The following LYRM4 variants were observed in gnomAD, a reference collection of about 807,000 sequenced individuals.
The protein encoded by LYRM4 is LYR motif containing 4.
LYRM4 carries 9 observed loss-of-function variants against 11.7 expected under a neutral mutation model. The ratio of observed to expected loss-of-function variants is 0.77; its 90% CI spans 0.46 to 1.34. The LOEUF (loss-of-function observed/expected upper bound fraction) is 1.34. LYRM4 is among the 40% of genes most tolerant of loss of function. LYRM4 has a pLI of 0.00. For missense variants in LYRM4, 133 were observed against 112.5 expected, an observed-to-expected ratio of 1.18 and a Z score of -0.82; for synonymous variants, 42 against 40.4, an observed-to-expected ratio of 1.04 and a Z score of -0.15.
chr6:5,243,695 G>C (rs558303575), intron 1 of LYRM4, among the ~76,000 whole-genome samples: 1 of 152,164 alleles, frequency 6.6e-6, no homozygotes, highest in East Asian at 1.9e-4. Flanking sequence ...GATAATAGAA[G>C]CTATGAAACA....
In LYRM4 at chr6:5,148,716, T is replaced by A. The variant is rs908328815; in HGVS notation, c.208-39225A>T. ...AGTGACTGAGAAATCAGCTCTCCCA[T>A]AACTTTACCAACAATAATTCTTGAA... On this transcript the variant is annotated intron_variant, in intron 2 of 2. Coordinates refer to ENST00000330636, the MANE Select transcript of LYRM4 (RefSeq NM_020408.6). Among the ~76,000 whole-genome samples, 4 of 152,174 alleles carry A rather than the reference T, an allele frequency of 2.6e-5. No homozygotes were observed. In the South Asian group the frequency reaches 8.3e-4, roughly 32 times the overall value.
chr6:5,082,629 C>G, the LYRM4 span, among the ~76,000 whole-genome samples: 3 of 152,258 alleles, frequency 2.0e-5, no homozygotes, highest in African/African-American at 7.2e-5. Flanking sequence ...CAACAGCCTC[C>G]TATGGGGCTC....
At chr6:5,196,498 C>T (rs1455124730) in intron 2 of LYRM4, among the ~76,000 whole-genome samples, 4 of 152,208 alleles carry the variant, frequency 2.6e-5, no homozygotes, top group Non-Finnish European at 5.9e-5. Flanking sequence ...CTGCAGCTCA[C>T]GAAGCTTCCT....
chr6:5,083,808 C>G, the LYRM4 span, among the ~76,000 whole-genome samples: 60 of 152,300 alleles, frequency 3.9e-4, no homozygotes, highest in East Asian at 0.011. Context: ...TTATGAAGCC[C>G]CAATTAATTA....
intron 2 of LYRM4, among the ~76,000 whole-genome samples, chr6:5,189,973 A>G (rs421720): frequency 0.3 from 45,635 of 152,054 alleles, 6,965 homozygotes; most frequent in African/African-American, 0.37. Context: ...AAAAGAATTT[A>G]TCTAATTTTC....
the LYRM4 span, among the ~76,000 whole-genome samples, chr6:5,091,911 T>A: frequency 6.6e-6 from 1 of 152,232 alleles, no homozygotes; most frequent in Non-Finnish European, 1.5e-5. Context: ...TCTCCGATTG[T>A]AGTTACTCCT....
chr6:5,067,292 A>G, the LYRM4 span, among the ~76,000 whole-genome samples: 1 of 152,208 alleles, frequency 6.6e-6, no homozygotes, highest in Non-Finnish European at 1.5e-5. Flanking sequence ...AACAGTTAAC[A>G]TTTACAATTG....
chr6:5,186,606 C>T (rs1355184524), intron 2 of LYRM4: 9 of 980,334 alleles, frequency 9.2e-6, no homozygotes, highest in Non-Finnish European at 1.1e-5. Context: ...GAAGGAAATG[C>T]AAGAGAATTT....
the LYRM4 span, chr6:5,042,728 A>C: frequency 0.73 from 111,319 of 152,484 alleles, 41,415 homozygotes; most frequent in East Asian, 0.95. Flanking sequence ...AAAGCCTCCA[A>C]CCCAGTGACA....
rs768210600 is a variant in LYRM4 at position 5,260,690 on chromosome 6, G to T, written c.44C>A (p.Ala15Glu). ...SRAQVLSLYR[A>E]MLRESKRFSA... The stretch of plus-strand genomic sequence containing the variant: ...GAAACGCTTGCTCTCTCTCAGCATC[G>T]CCCGGTACAGAGATAACACTTGTGC... Residue 15 changes from alanine to glutamate, a missense_variant, in exon 1 of 3, where the codon GCG (alanine) becomes GAG (glutamate). By Grantham distance (107) the Ala-to-Glu change is moderately radical (BLOSUM62 -1). Transcript: ENST00000330636. 7 of 1,547,846 alleles carry T rather than the reference G, an allele frequency of 4.5e-6. No homozygotes were observed. The highest frequency in any genetic ancestry group is 1.4e-5 in the African/African-American group (1 of 72,792).
At chr6:5,210,776 G>A (rs1561873093) in intron 2 of LYRM4, among the ~76,000 whole-genome samples, 1 of 152,036 alleles carries the variant, frequency 6.6e-6, no homozygotes, top group Non-Finnish European at 1.5e-5. Flanking sequence ...GTATCTTTTT[G>A]TGTATGGCTT....
At chr6:5,099,391 C>CTCTATCTATCTATCTATCTATCTA (rs58771475), downstream of LYRM4, among the ~76,000 whole-genome samples, 10 of 145,442 alleles carry the variant, frequency 6.9e-5, no homozygotes, top group Non-Finnish European at 1.3e-4. This position sits in a 1 kb window ranked among gnomAD's most constrained non-coding sequence, Gnocchi z 4.3. Flanking sequence ...AAATCTATTT[C>CTCTATCTATCTATCTATCTATCTA]TCTATCTATC....
chr6:5,200,232 T>C (rs1033316416), intron 2 of LYRM4, among the ~76,000 whole-genome samples: 1 of 152,176 alleles, frequency 6.6e-6, no homozygotes, highest in Non-Finnish European at 1.5e-5. Flanking sequence ...TTTGTATGGG[T>C]AGCAAACCCT....
the LYRM4 span, among the ~76,000 whole-genome samples, chr6:5,093,491 A>G: frequency 9.2e-4 from 140 of 152,388 alleles, 2 homozygotes; most frequent in African/African-American, 3.3e-3. Flanking sequence ...TGGCTGCTTC[A>G]AAGTCAAAGG....
intron 2 of LYRM4, among the ~76,000 whole-genome samples, chr6:5,162,430 G>A (rs1387730596): frequency 6.6e-6 from 1 of 152,104 alleles, no homozygotes; most frequent in Non-Finnish European, 1.5e-5. Flanking sequence ...CCTCGACAGT[G>A]AGCCTGATGT....
intron 2 of LYRM4, among the ~76,000 whole-genome samples, chr6:5,202,132 G>A (rs1761426699): frequency 6.6e-6 from 1 of 152,224 alleles, no homozygotes. Context: ...TCAATTAACT[G>A]AATTACACTT....
the LYRM4 span, among the ~76,000 whole-genome samples, chr6:5,037,829 C>T: frequency 2.9e-3 from 159 of 55,518 alleles, no homozygotes; most frequent in African/African-American, 7.3e-3. Flanking sequence ...CCCCCCCTCC[C>T]CCCTCCCGGA....
At chr6:5,086,408 C>T in the LYRM4 span, 2 of 1,536,226 alleles carry the variant, frequency 1.3e-6, no homozygotes, top group Non-Finnish European at 8.7e-7. Flanking sequence ...TGCCTGCCCC[C>T]GGGCCTGCAG....
chr6:5,115,888 T>C (rs576863372), intron 2 of LYRM4, among the ~76,000 whole-genome samples: 7 of 152,238 alleles, frequency 4.6e-5, no homozygotes, highest in African/African-American at 1.4e-4. Flanking sequence ...ACTGCATATA[T>C]TGGGGCCACC....
Sources: gnomAD v4.1 joint callset for allele counts (sites outside exome capture counted in the v4.1 genomes callset) on GRCh38, gnomAD v4.1.1 for gene constraint, Gnocchi (gnomAD v3.1) non-coding constraint, MANE v1.5 for transcripts, NCBI Gene and HGNC (gene_info 2026-07-23, HGNC 2026-07-21) for gene names.